VPS45: variants seen among roughly 807,000 people sequenced by gnomAD.
VPS45 encodes vacuolar protein sorting-associated protein 45.
In VPS45, 35 loss-of-function variants were observed where a neutral mutation model predicts 75.9. The observed-to-expected ratio is 0.46, with a 90% CI of 0.35 to 0.61. The LOEUF is 0.61. VPS45 is among the 20% of genes least tolerant of loss of function. VPS45 has a pLI of 0.00. For synonymous variants in VPS45, 220 were observed against 238.2 expected (o/e 0.92, Z 0.70); for missense variants, 559 against 685.9 (o/e 0.81, Z 2.07).
chr1:150,071,886 C>T (rs1439213383), intron 2 of VPS45, among the ~76,000 whole-genome samples: 1 of 151,214 alleles, frequency 6.6e-6, no homozygotes, highest in African/African-American at 2.4e-5. Context: ...TGTTGTGTTT[C>T]AACATCTGTG....
At chr1:150,126,157 A>G (rs1042344638) in intron 14 of VPS45, among the ~76,000 whole-genome samples, 8 of 152,094 alleles carry the variant, frequency 5.3e-5, no homozygotes, top group Non-Finnish European at 1.0e-4. Flanking sequence ...GCAATTTAGC[A>G]TTATATATTC....
chr1:150,122,529 A>T (rs930664252), intron 14 of VPS45, among the ~76,000 whole-genome samples: 4 of 151,854 alleles, frequency 2.6e-5, no homozygotes, highest in Non-Finnish European at 5.9e-5. Flanking sequence ...CACCTTATAT[A>T]CTGTGAGGAC....
intron 3 of VPS45, among the ~76,000 whole-genome samples, chr1:150,073,726 T>C (rs1655208395): frequency 6.6e-6 from 1 of 152,006 alleles, no homozygotes; most frequent in Non-Finnish European, 1.5e-5. Flanking sequence ...TACATGATGA[T>C]AGTACAATAT....
intron 7 of VPS45, 65 bp downstream of exon 7, chr1:150,077,844 A>C (rs1655482825): frequency 1.5e-6 from 2 of 1,312,690 alleles, no homozygotes; most frequent in Non-Finnish European, 2.2e-6. Context: ...AAATACAGAT[A>C]GGGAAGTAAA....
At chr1:150,086,463 T>C (rs1202810806) in intron 10 of VPS45, among the ~76,000 whole-genome samples, 1 of 152,080 alleles carries the variant, frequency 6.6e-6, no homozygotes, top group East Asian at 1.9e-4. Flanking sequence ...TGTATCTCTC[T>C]GATTTCAGAA....
chr1:150,125,138 T>A (rs1005414746), intron 14 of VPS45, among the ~76,000 whole-genome samples: 1 of 150,532 alleles, frequency 6.6e-6, no homozygotes, highest in Non-Finnish European at 1.5e-5. Flanking sequence ...TTTGCTTTTT[T>A]AAATTTTTAA....
chr1:150,126,299 C>T (rs782068144), intron 14 of VPS45, among the ~76,000 whole-genome samples: 7 of 152,066 alleles, frequency 4.6e-5, no homozygotes, highest in Non-Finnish European at 8.8e-5. Context: ...CAAGCTCCGC[C>T]TCCCAGGTTC....
chr1:150,071,343 T>C (rs1655061201), intron 2 of VPS45, among the ~76,000 whole-genome samples: 2 of 152,230 alleles, frequency 1.3e-5, no homozygotes, highest in African/African-American at 4.8e-5. Flanking sequence ...GAAAAGATCT[T>C]AGCCTGCTAC....
chr1:150,104,225 T>C (rs1341711267), intron 13 of VPS45, among the ~76,000 whole-genome samples: 6 of 152,210 alleles, frequency 3.9e-5, no homozygotes, highest in Non-Finnish European at 8.8e-5. Flanking sequence ...TTCATCCTTA[T>C]GTCCATGTGT....
intron 14 of VPS45, among the ~76,000 whole-genome samples, chr1:150,131,377 C>T (rs1182312859): frequency 2.0e-5 from 3 of 151,914 alleles, no homozygotes; most frequent in Non-Finnish European, 2.9e-5. Flanking sequence ...GGTGTGGTGG[C>T]GGGCGCCTGT....
At position 150,092,233 on chromosome 1, in the gene VPS45, A is replaced by C. The variant is rs1293923057; in HGVS notation, c.1264-69A>C. 5.2e-6 allele frequency: 8 copies of C among 1,544,004 alleles called. No individual in the cohort carries two copies. In the East Asian group the frequency reaches 1.9e-4, roughly 36 times the overall value. ...TCTTTTCATTTTTGTTTCCTTAATAAAATTATTTTCTTATGAAATGGGCTT... is the reference window on the plus strand; with the variant it reads ...TCTTTTCATTTTTGTTTCCTTAATACAATTATTTTCTTATGAAATGGGCTT... On this transcript the variant is annotated intron_variant, in intron 11 of 14. Coordinates refer to ENST00000644510, the MANE Select transcript of VPS45 (RefSeq NM_007259.5).
At chr1:150,081,857 G>C (rs1553799455) in intron 8 of VPS45, 27 bp from the exon 9 acceptor site, 1 of 1,414,084 alleles carries the variant, frequency 7.1e-7, no homozygotes, top group Middle Eastern at 1.8e-4. Flanking sequence ...AGTTGATGAA[G>C]TGTGCTTCCA....
At chr1:150,121,262 TCC>T (rs1410587134) in intron 14 of VPS45, among the ~76,000 whole-genome samples, 1 of 152,206 alleles carries the variant, frequency 6.6e-6, no homozygotes, top group Non-Finnish European at 1.5e-5. Flanking sequence ...TTGTATTACT[TCC>T]CTTTTTCATT....
chr1:150,134,149 A>T (rs974342510), intron 14 of VPS45, among the ~76,000 whole-genome samples: 15 of 152,234 alleles, frequency 9.9e-5, no homozygotes, highest in Admixed American at 5.9e-4. Context: ...GAAATATCTT[A>T]TACTTTAATT....
At chr1:150,083,167 A>G (rs1465209936) in intron 10 of VPS45, 2 of 254,458 alleles carry the variant, frequency 7.9e-6, no homozygotes, top group South Asian at 1.3e-4. Context: ...AGTGTTTGGT[A>G]TACCACTTAC....
intron 10 of VPS45, among the ~76,000 whole-genome samples, chr1:150,086,101 A>C (rs1559910885): frequency 6.6e-6 from 1 of 152,108 alleles, no homozygotes; most frequent in Non-Finnish European, 1.5e-5. Context: ...TGTTAATGAT[A>C]CATAATAAGG....
chr1:150,072,548 T>C (rs1655135340), intron 3 of VPS45, among the ~76,000 whole-genome samples: 1 of 151,676 alleles, frequency 6.6e-6, no homozygotes, highest in South Asian at 2.1e-4. Context: ...TCCCAGCTAC[T>C]TGGGAGGCTG....
intron 14 of VPS45, among the ~76,000 whole-genome samples, chr1:150,135,324 G>A (rs587756970): frequency 6.6e-5 from 10 of 152,072 alleles, no homozygotes; most frequent in South Asian, 4.1e-4. Flanking sequence ...GTGCAATGGC[G>A]TGATCTCGGC....
intron 2 of VPS45, among the ~76,000 whole-genome samples, chr1:150,071,367 A>G (rs1553796994): frequency 6.6e-6 from 1 of 152,218 alleles, no homozygotes; most frequent in East Asian, 1.9e-4. Context: ...CAAATACTTC[A>G]CAAACATTGT....
Sources: allele counts gnomAD v4.1 joint callset (sites outside exome capture counted in the v4.1 genomes callset), GRCh38; gene constraint gnomAD v4.1.1; transcripts MANE v1.5; gene names NCBI Gene and HGNC (gene_info 2026-07-23, HGNC 2026-07-21).